Variants in RPL15 observed in about 807,000 individuals in gnomAD.
RPL15 encodes the protein ribosomal protein L15.
For synonymous variants in RPL15, 97 were observed against 95.1 expected, an observed-to-expected ratio of 1.02 and a Z score of -0.12; for missense variants, 161 against 271.8, an observed-to-expected ratio of 0.59 and a Z score of 2.87.
At chr3:23,924,005 T>C (rs1017491680), downstream of RPL15, 44 of 152,244 alleles carry the variant, frequency 2.9e-4, no homozygotes, top group African/African-American at 1.1e-3. Context: ...TGCATTTAGG[T>C]TGGGGTCATA....
In RPL15 at chr3:23,920,258, T is replaced by A. The variant is rs1337701008; in HGVS notation, c.*757T>A. 2 of 985,674 alleles carry A rather than the reference T, an allele frequency of 2.0e-6. No homozygotes were observed. The highest frequency in any genetic ancestry group is 2.4e-6 in the Non-Finnish European group (2 of 829,864). The allele number at this position is 985,674 out of a possible 1,614,324, so 61.1% of individuals were successfully genotyped here. On this transcript the variant is annotated 3_prime_UTR_variant, in exon 4 of 4. Transcript: ENST00000307839. ...TTGTGATCATTATGAATCCCTTCAGTCACATTAGGGGGAAAGTAGTTGGCT... is the reference window on the plus strand; with the variant it reads ...TTGTGATCATTATGAATCCCTTCAGACACATTAGGGGGAAAGTAGTTGGCT...
rs778662829 is a variant in RPL15 at position 23,918,565 on chromosome 3, T to A, written c.298T>A (p.Ser100Thr). The A allele has an allele frequency of 6.2e-7, 1 of 1,613,900 alleles. No individual in the cohort carries two copies. The highest frequency in any genetic ancestry group is 8.5e-7 in the Non-Finnish European group (1 of 1,179,926). ...NQLKFARSLQSVAEERAGRHC... is the reference protein window; with the variant it reads ...NQLKFARSLQTVAEERAGRHC... Reference sequence around the variant, plus strand: ...GCTAAAGTTTGCTCGAAGCCTTCAGTCCGTTGCAGAGGTAAATGGTTTTGA... The same window carrying A: ...GCTAAAGTTTGCTCGAAGCCTTCAGACCGTTGCAGAGGTAAATGGTTTTGA... Residue 100 changes from serine (S) to threonine (T), a missense_variant, in exon 3 of 4, where the codon TCC becomes ACC. Physicochemically the swap from Ser to Thr is moderately conservative, Grantham distance 58. Transcript: ENST00000307839.
chr3:23,920,639 A>G lies in RPL15; in HGVS notation c.*1138A>G. The G allele has an allele frequency of 1.0e-6, 1 of 985,216 alleles. No homozygotes were observed. Among genetic ancestry groups the G allele is most frequent in the South Asian group, 4.7e-5 (1 of 21,284 alleles). 61.0% of individuals were successfully genotyped at this position (985,216 alleles called of 1,614,324 possible). ...TTCTGACTTTGCTGACTTAATTTAA[A>G]TGCTCGTTCTGAACCAATTTTCTCC... On this transcript the variant is annotated 3_prime_UTR_variant, in exon 4 of 4. Transcript: ENST00000307839.
downstream of RPL15, chr3:23,921,468 G>C: frequency 9.6e-6 from 6 of 624,614 alleles, no homozygotes; most frequent in South Asian, 1.2e-4. Context: ...CAATATTAAG[G>C]GTCACTTTAT....
In RPL15 at chr3:23,920,640, TG is replaced by T. The variant is rs1177639696; in HGVS notation, c.*1140del. On this transcript the variant is annotated 3_prime_UTR_variant, in exon 4 of 4. Coordinates refer to ENST00000307839, the MANE Select transcript of RPL15 (RefSeq NM_002948.5). ...TCTGACTTTGCTGACTTAATTTAAATGCTCGTTCTGAACCAATTTTCTCCTA... is the reference window on the plus strand; with the variant it reads ...TCTGACTTTGCTGACTTAATTTAAATCTCGTTCTGAACCAATTTTCTCCTA... The T allele has an allele frequency of 4.7e-5, 46 of 984,982 alleles. No homozygotes were observed. The highest frequency in any genetic ancestry group is 6.1e-5 in the Admixed American group (1 of 16,266). 61.0% of individuals were successfully genotyped at this position (984,982 alleles called of 1,614,324 possible).
chr3:23,919,419 A>G lies in RPL15; in HGVS notation c.533A>G (p.His178Arg), dbSNP rs554703410. The G allele has an allele frequency of 6.2e-7, 1 of 1,604,496 alleles. No homozygotes were observed. Among genetic ancestry groups the G allele is most frequent in the South Asian group, 1.1e-5 (1 of 91,030 alleles). Residue 178 changes from histidine to arginine, a missense_variant, in exon 4 of 4, where the codon CAC becomes CGC. Physicochemically the swap from His to Arg is conservative, Grantham distance 29 (BLOSUM62 0). Coordinates refer to ENST00000307839, the MANE Select transcript of RPL15 (RefSeq NM_002948.5). The part of the protein sequence containing the change: ...GRKSRGLGKG[H>R]KFHHTIGGSR... ...AAGAGCCGTGGCCTTGGAAAGGGCC[A>G]CAAGTTCCACCACACTATTGGTGGC...
intron 3 of RPL15, 74 bp from the exon 4 acceptor site, chr3:23,919,122 G>A (rs1243229960): frequency 9.9e-7 from 1 of 1,007,442 alleles, no homozygotes; most frequent in Non-Finnish European, 1.5e-6. Context: ...CTAGAGTTGA[G>A]AATTAAAATT....
chr3:23,918,201 A>T, intron 2 of RPL15, 170 bp downstream of exon 2: 1 of 975,122 alleles, frequency 1.0e-6, no homozygotes, highest in Non-Finnish European at 1.5e-6. Context: ...TAAAGTGGCA[A>T]GTGTGTCAAA....
Position 23,920,821 on chromosome 3 carries a change from A to G in RPL15, c.*1320A>G. The G allele has an allele frequency of 1.1e-6, 1 of 930,972 alleles. No homozygotes were observed. Among genetic ancestry groups the G allele is most frequent in the Non-Finnish European group, 1.3e-6 (1 of 780,304 alleles). The allele number at this position is 930,972 out of a possible 1,614,324, so 57.7% of individuals were successfully genotyped here. On this transcript the variant is annotated 3_prime_UTR_variant, in exon 4 of 4. Transcript: ENST00000307839. ...TGTGTAGAGGTTGTTCAACTGAAGG[A>G]ATAAATGTCTATTAAACTAAAACAA...
intron 2 of RPL15, 95 bp downstream of exon 2, chr3:23,918,126 C>T (rs1704777547): frequency 1.4e-6 from 2 of 1,448,382 alleles, no homozygotes; most frequent in Non-Finnish European, 9.3e-7. Context: ...CAGTGTCTTT[C>T]TTCGCATAGG....
chr3:23,918,208 C>A, intron 2 of RPL15, 177 bp downstream of exon 2: 2 of 952,194 alleles, frequency 2.1e-6, no homozygotes, highest in East Asian at 2.6e-5. Context: ...GCAAGTGTGT[C>A]AAAGGTTACA....
At position 23,919,391 on chromosome 3, in the gene RPL15, C is replaced by G. The variant is rs748116544; in HGVS notation, c.505C>G (p.Arg169Gly). 14 of 1,602,720 alleles carry G rather than the reference C, an allele frequency of 8.7e-6. No homozygotes were observed. In the East Asian group the frequency reaches 1.8e-4, roughly 20 times the overall value. The change falls in exon 4 of 4, where the codon CGA becomes GGA. Residue 169 changes from arginine to glycine, a missense_variant. Physicochemically the swap from Arg to Gly is moderately radical, Grantham distance 125 (BLOSUM62 -2). Coordinates refer to ENST00000307839, the MANE Select transcript of RPL15 (RefSeq NM_002948.5). ...GATGCGTGGGCTGACATCTGCAGGCCGAAAGAGCCGTGGCCTTGGAAAGGG... is the reference window on the plus strand; with the variant it reads ...GATGCGTGGGCTGACATCTGCAGGCGGAAAGAGCCGTGGCCTTGGAAAGGG... ...REMRGLTSAG[R>G]KSRGLGKGHK... is the part of the protein sequence containing the mutation.
chr3:23,920,483 C>T lies in RPL15; in HGVS notation c.*982C>T. Reference sequence around the variant, plus strand: ...AAAGTTGGACCATCACTTGTGCACCCACTTTGACTATGAGTATACCACCAC... The same window carrying T: ...AAAGTTGGACCATCACTTGTGCACCTACTTTGACTATGAGTATACCACCAC... On this transcript the variant is annotated 3_prime_UTR_variant, in exon 4 of 4. Transcript: ENST00000307839. 1.0e-6 allele frequency: 1 copy of T among 985,266 alleles called. No individual in the cohort carries two copies. The highest frequency in any genetic ancestry group is 1.2e-6 in the Non-Finnish European group (1 of 829,792). 61.0% of individuals were successfully genotyped at this position (985,266 alleles called of 1,614,324 possible). A position where few individuals can be genotyped will look rare whatever the true frequency, so the allele number is the denominator to read the frequency against.
Position 23,918,041 on chromosome 3 carries a change from C to A in RPL15, c.172+10C>A. ...TACAAGGCCAAGCAAGGTACGTGAT[C>A]GACTGCGTGGATGCTTGGATAAAAT... On this transcript the variant is annotated intron_variant, in intron 2 of 3. Transcript: ENST00000307839. The A allele has an allele frequency of 1.2e-6, 2 of 1,603,466 alleles. No individual in the cohort carries two copies. Among genetic ancestry groups the A allele is most frequent in the African/African-American group, 1.3e-5 (1 of 74,422 alleles).
downstream of RPL15, among the ~76,000 whole-genome samples, chr3:23,921,234 T>C (rs984383899): frequency 1.3e-5 from 2 of 152,206 alleles, no homozygotes. Context: ...CTGTCCTTGC[T>C]ACCCAACAGT....
rs1705039535 is a variant in RPL15, at chr3:23,920,830, C to CT, written c.*1330dup. The CT allele has an allele frequency of 1.1e-6, 1 of 913,364 alleles. No individual in the cohort carries two copies. Among genetic ancestry groups the CT allele is most frequent in the Admixed American group, 6.2e-5 (1 of 16,144 alleles). 56.6% of individuals were successfully genotyped at this position (913,364 alleles called of 1,614,324 possible). A position where few individuals can be genotyped will look rare whatever the true frequency, so the allele number is the denominator to read the frequency against. On this transcript the variant is annotated 3_prime_UTR_variant, in exon 4 of 4. Coordinates refer to ENST00000307839, the MANE Select transcript of RPL15 (RefSeq NM_002948.5). Reference sequence around the variant, plus strand: ...GTTGTTCAACTGAAGGAATAAATGTCTATTAAACTAAAACAAATGGACCTT... The same window carrying CT: ...GTTGTTCAACTGAAGGAATAAATGTCTTATTAAACTAAAACAAATGGACCTT...
chr3:23,923,557 T>C (rs76848567), downstream of RPL15: 4 of 152,304 alleles, frequency 2.6e-5, no homozygotes, highest in Non-Finnish European at 5.9e-5. Context: ...TGGTATCCCA[T>C]CATGTGGATG....
rs1481591037 is a variant in RPL15 at position 23,920,086 on chromosome 3, G to A, written c.*585G>A. The A allele has an allele frequency of 1.0e-6, 1 of 985,752 alleles. No homozygotes were observed. Among genetic ancestry groups the A allele is most frequent in the Non-Finnish European group, 1.2e-6 (1 of 829,958 alleles). 61.1% of individuals were successfully genotyped at this position (985,752 alleles called of 1,614,324 possible). A position where few individuals can be genotyped will look rare whatever the true frequency, so the allele number is the denominator to read the frequency against. On this transcript the variant is annotated 3_prime_UTR_variant, in exon 4 of 4. Coordinates refer to ENST00000307839, the MANE Select transcript of RPL15 (RefSeq NM_002948.5). ...GTAAACACTGGTGTGTTTTGAAGTT[G>A]AATGTGCGATAAAATTATTAGCCTT... is the stretch of plus-strand genomic sequence containing the variant.
rs1215674727 is a variant in RPL15 at position 23,919,251 on chromosome 3, G to A, written c.365G>A (p.Gly122Asp). The change falls in exon 4 of 4, where the codon GGT (glycine) becomes GAT (aspartate). Residue 122 changes from glycine to aspartate, a missense_variant. Coordinates refer to ENST00000307839, the MANE Select transcript of RPL15 (RefSeq NM_002948.5). Reference sequence around the variant, plus strand: ...AGAGTCCTGAATTCTTACTGGGTTGGTGAAGATTCCACATACAAATTTTTT... The same window carrying A: ...AGAGTCCTGAATTCTTACTGGGTTGATGAAGATTCCACATACAAATTTTTT... ...ALRVLNSYWVGEDSTYKFFEV... is the reference protein window; with the variant it reads ...ALRVLNSYWVDEDSTYKFFEV... The A allele has an allele frequency of 6.2e-7, 1 of 1,613,428 alleles. No individual in the cohort carries two copies. Among genetic ancestry groups the A allele is most frequent in the East Asian group, 2.2e-5 (1 of 44,876 alleles).
Sources: allele counts gnomAD v4.1 joint callset (sites outside exome capture counted in the v4.1 genomes callset), GRCh38; gene constraint gnomAD v4.1.1; transcripts MANE v1.5; gene names NCBI Gene and HGNC (gene_info 2026-07-23, HGNC 2026-07-21).